Variants in GAS2L3 observed in about 807,000 individuals in gnomAD.
GAS2L3 encodes the protein growth arrest specific 2 like 3, also known as GAS2-like protein 3.
GAS2L3 carries 28 observed loss-of-function variants against 37.0 expected under a neutral mutation model. That is an observed-to-expected ratio of 0.76 (90% CI 0.56 to 1.04). The LOEUF is 1.04. Among genes scored for constraint, GAS2L3 ranks in the 50% least tolerant of loss-of-function variants. GAS2L3 has a pLI of 0.00. For synonymous variants in GAS2L3, 290 were observed against 296.6 expected (o/e 0.98, Z 0.23); for missense variants, 793 against 817.6 (o/e 0.97, Z 0.37).
intron 4 of GAS2L3, 111 bp downstream of exon 4, chr12:100,600,661 T>G: frequency 2.3e-6 from 2 of 868,578 alleles, no homozygotes; most frequent in Non-Finnish European, 3.7e-6. Flanking sequence ...GATACTCCAG[T>G]GAATGAAATA....
intron 1 of GAS2L3, among the ~76,000 whole-genome samples, chr12:100,583,127 A>C (rs1955734533): frequency 6.6e-6 from 1 of 152,202 alleles, no homozygotes; most frequent in Non-Finnish European, 1.5e-5. Flanking sequence ...TTTATTAAGA[A>C]AGTAAAGGAA....
chr12:100,623,868 C>A lies in GAS2L3; in HGVS notation c.1063C>A (p.Pro355Thr), dbSNP rs1459019827. The change falls in exon 10 of 10, where the codon CCA becomes ACA. Residue 355 changes from proline (P) to threonine (T), a missense_variant. Pro to Thr is a conservative substitution (Grantham distance 38, BLOSUM62 -1). Coordinates refer to ENST00000547754, the MANE Select transcript of GAS2L3 (RefSeq NM_174942.3). ...KQGRPPGALV[P>T]ASSLKGGNLG... ...GGGACGTCCACCAGGTGCATTGGTGCCAGCATCTTCACTGAAAGGAGGTAA... is the reference window on the plus strand; with the variant it reads ...GGGACGTCCACCAGGTGCATTGGTGACAGCATCTTCACTGAAAGGAGGTAA... 1 of 1,613,758 alleles carries A rather than the reference C, an allele frequency of 6.2e-7. No individual in the cohort carries two copies. Among genetic ancestry groups the A allele is most frequent in the Admixed American group, 1.7e-5 (1 of 59,976 alleles).
rs79925502 is a variant in GAS2L3, at chr12:100,619,535, C to A, written c.648+948C>A. Among the ~76,000 whole-genome samples, 771 of 152,050 alleles carry A rather than the reference C, an allele frequency of 5.1e-3. 5 individuals are homozygous for A. The highest frequency in any genetic ancestry group is 0.016 in the African/African-American group (659 of 41,488). On this transcript the variant is annotated intron_variant, in intron 8 of 9. Coordinates refer to ENST00000547754, the MANE Select transcript of GAS2L3 (RefSeq NM_174942.3). ...AATGTAATAAAAGTCTATAGTAAAA[C>A]TATCAGATAACCTTGCAAGACAGAT...
Position 100,623,979 on chromosome 12 carries a change from A to C in GAS2L3, c.1174A>C (p.Thr392Pro). 6.2e-7 allele frequency: 1 copy of C among 1,614,120 alleles called. No homozygotes were observed. Among genetic ancestry groups the C allele is most frequent in the Non-Finnish European group, 8.5e-7 (1 of 1,179,994 alleles). Residue 392 changes from threonine to proline, a missense_variant, in exon 10 of 10, where the codon ACG becomes CCG. Thr to Pro is a conservative substitution (Grantham distance 38). Transcript: ENST00000547754. The part of the protein sequence containing the change: ...HPKLKSSKGI[T>P]KKPQAPSNNA... ...CAAGCTCAAGTCTTCAAAAGGCATA[A>C]CGAAGAAACCGCAGGCTCCTTCAAA...
chr12:100,615,504 CATTTA>C (rs1225208693), intron 6 of GAS2L3, among the ~76,000 whole-genome samples: 1 of 151,874 alleles, frequency 6.6e-6, no homozygotes, highest in Admixed American at 6.6e-5. Context: ...ATTTTGGTGA[CATTTA>C]ATTTATCTAT....
intron 1 of GAS2L3, among the ~76,000 whole-genome samples, chr12:100,580,540 T>C (rs548917777): frequency 1.3e-5 from 2 of 152,302 alleles, no homozygotes; most frequent in South Asian, 4.1e-4. Context: ...TTCTGGGCAT[T>C]TTTTTGGCCA....
chr12:100,610,844 G>A lies in GAS2L3; in HGVS notation c.304-1156G>A, dbSNP rs374987700. Among the ~76,000 whole-genome samples the A allele has an allele frequency of 1.2e-3, 177 of 152,190 alleles. 5 individuals are homozygous for A. The South Asian group carries it at 0.034, about 29-fold the overall frequency. ...AGATAGTAAAAAAAATTAAGATTCT[G>A]TGAAACTTAGATCATCAGTTTTCAA... is the stretch of plus-strand genomic sequence containing the variant. On this transcript the variant is annotated intron_variant, in intron 5 of 9. Transcript: ENST00000547754.
intron 1 of GAS2L3, among the ~76,000 whole-genome samples, chr12:100,583,068 C>T (rs1274729938): frequency 6.6e-6 from 1 of 152,246 alleles, no homozygotes; most frequent in East Asian, 1.9e-4. Flanking sequence ...TCTTGGATCT[C>T]ATGCAAGAAA....
chr12:100,608,687 G>T (rs376498170), intron 5 of GAS2L3, among the ~76,000 whole-genome samples: 13 of 152,150 alleles, frequency 8.5e-5, no homozygotes, highest in South Asian at 6.2e-4. Flanking sequence ...GTGCCCAGCT[G>T]ATTTTTTTTG....
chr12:100,594,012 A>C (rs940951980), intron 2 of GAS2L3: 1 of 152,110 alleles, frequency 6.6e-6, no homozygotes, highest in Non-Finnish European at 1.5e-5. Flanking sequence ...TATGTCTGAT[A>C]TAACTTAGAG....
At chr12:100,578,953 C>A in intron 1 of GAS2L3, 3 of 923,722 alleles carry the variant, frequency 3.2e-6, no homozygotes, top group South Asian at 1.4e-5. Flanking sequence ...TTATAATTGT[C>A]ATCCATGCTT....
intron 6 of GAS2L3, among the ~76,000 whole-genome samples, chr12:100,615,307 ACTAT>A (rs918309416): frequency 1.2e-4 from 19 of 152,116 alleles, no homozygotes; most frequent in African/African-American, 4.3e-4. Flanking sequence ...TTCTTTGGAG[ACTAT>A]CTATTCAAAT....
At position 100,626,451 on chromosome 12, in the gene GAS2L3, A is replaced by G. The variant is rs996163272; in HGVS notation, c.*1561A>G. On this transcript the variant is annotated 3_prime_UTR_variant, in exon 10 of 10. Transcript: ENST00000547754. ...ACCAAATACTTGGTTTAACTCGACT[A>G]TTGACTTGGGCATTGAGAGAGATGA... The G allele has an allele frequency of 1.3e-5, 2 of 152,236 alleles. No individual in the cohort carries two copies. Among genetic ancestry groups the G allele is most frequent in the Non-Finnish European group, 2.9e-5 (2 of 68,040 alleles). The allele number at this position is 152,236 out of a possible 1,614,324, so 9.4% of individuals were successfully genotyped here. A position where few individuals can be genotyped will look rare whatever the true frequency, so the allele number is the denominator to read the frequency against.
At chr12:100,600,207 C>G (rs139480449) in intron 3 of GAS2L3, among the ~76,000 whole-genome samples, 175 bp from the exon 4 acceptor site, 61 of 152,264 alleles carry the variant, frequency 4.0e-4, no homozygotes, top group African/African-American at 1.3e-3. Context: ...GCCTGGGCAA[C>G]AGAATAGGAC....
chr12:100,621,928 T>TGA (rs556939723), intron 8 of GAS2L3, among the ~76,000 whole-genome samples: 2 of 130,718 alleles, frequency 1.5e-5, no homozygotes, highest in Non-Finnish European at 3.3e-5. Context: ...AGAGAGGCAC[T>TGA]GAGAGAGAGA....
chr12:100,616,938 A>G (rs976154952), intron 6 of GAS2L3, among the ~76,000 whole-genome samples: 2 of 151,690 alleles, frequency 1.3e-5, no homozygotes, highest in Admixed American at 6.6e-5. Context: ...TTTAAGAATG[A>G]TAATGGTTGT....
At chr12:100,601,855 A>T (rs1955994564) in intron 5 of GAS2L3, 102 bp downstream of exon 5, 1 of 536,340 alleles carries the variant, frequency 1.9e-6, no homozygotes, top group East Asian at 3.1e-5. Context: ...CCAACTGGCT[A>T]TGAGATGTTG....
At chr12:100,607,054 A>G (rs568764314) in intron 5 of GAS2L3, among the ~76,000 whole-genome samples, 1 of 152,194 alleles carries the variant, frequency 6.6e-6, no homozygotes, top group Non-Finnish European at 1.5e-5. Flanking sequence ...CTTATTGCTC[A>G]TTAACATCCT....
Position 100,624,153 on chromosome 12 carries a change from C to G in GAS2L3, c.1348C>G (p.Gln450Glu). ...CCCCAAGGCCAAGGTTATTCCAGCC[C>G]AGAATTCAGCAGATCTGCCCGAGTC... is the stretch of plus-strand genomic sequence containing the variant. Reference protein sequence around the residue: ...NTPKAKVIPAQNSADLPESTL... With the variant: ...NTPKAKVIPAENSADLPESTL... Residue 450 changes from glutamine to glutamate, a missense_variant, in exon 10 of 10, where the codon CAG (glutamine) becomes GAG (glutamate). Physicochemically the swap from Gln to Glu is conservative, Grantham distance 29. Coordinates refer to ENST00000547754, the MANE Select transcript of GAS2L3 (RefSeq NM_174942.3). 6.2e-7 allele frequency: 1 copy of G among 1,612,838 alleles called. No individual in the cohort carries two copies. The highest frequency in any genetic ancestry group is 8.5e-7 in the Non-Finnish European group (1 of 1,179,714).
Sources: allele counts gnomAD v4.1 joint callset (sites outside exome capture counted in the v4.1 genomes callset), GRCh38; gene constraint gnomAD v4.1.1; transcripts MANE v1.5; gene names NCBI Gene and HGNC (gene_info 2026-07-23, HGNC 2026-07-21).